ADRA1A: variants seen among roughly 807,000 people sequenced by gnomAD.
ADRA1A encodes the protein adrenoceptor alpha 1A.
ADRA1A carries 31 observed loss-of-function variants against 29.6 expected under a neutral mutation model. The ratio of observed to expected loss-of-function variants is 1.05; its 90% confidence interval spans 0.79 to 1.41. ADRA1A has a LOEUF of 1.41. Among genes scored for constraint, ADRA1A ranks in the 40% most tolerant of loss-of-function variants. The pLI is 0.00. For synonymous variants in ADRA1A, 311 were observed against 254.3 expected (o/e 1.22, Z -2.12); for missense variants, 619 against 601.1 (o/e 1.03, Z -0.31).
intron 2 of ADRA1A, among the ~76,000 whole-genome samples, chr8:26,783,790 CAAT>C (rs989040854): frequency 6.6e-6 from 1 of 152,154 alleles, no homozygotes; most frequent in African/African-American, 2.4e-5. Flanking sequence ...AAATGCCCAT[CAAT>C]GATAGACTGG....
rs1810349855 is a variant in ADRA1A at position 26,823,790 on chromosome 8, T to C, written c.883+40297A>G. ...AACCACTCTCTGATGTGTGTTATAA[T>C]TATAGTTGTCAAGGTGAAGAACCCG... On this transcript the variant is annotated intron_variant, in intron 2 of 2. Coordinates refer to ENST00000380573, the MANE Select transcript of ADRA1A (RefSeq NM_000680.4). This position sits in a 1 kb window ranked among gnomAD's most constrained non-coding sequence, Gnocchi z 4.2. 6.6e-6 allele frequency among the ~76,000 whole-genome samples: 1 copy of C among 152,200 alleles called. No homozygotes were observed. Among genetic ancestry groups the C allele is most frequent in the South Asian group, 2.1e-4 (1 of 4,830 alleles).
At chr8:26,772,052 C>T in intron 2 of ADRA1A, 1 of 162,432 alleles carries the variant, frequency 6.2e-6, no homozygotes. Flanking sequence ...GTCACTGTGG[C>T]CTAGGCCGAG....
At chr8:26,858,119 T>C (rs1431429735) in intron 2 of ADRA1A, among the ~76,000 whole-genome samples, 1 of 152,236 alleles carries the variant, frequency 6.6e-6, no homozygotes, top group Non-Finnish European at 1.5e-5. Flanking sequence ...ATCAATGTGC[T>C]GCCTCCTGTT....
intron 2 of ADRA1A, 49 bp from the exon 3 acceptor site, chr8:26,770,715 C>T: frequency 1.3e-6 from 2 of 1,535,336 alleles, no homozygotes; most frequent in South Asian, 2.5e-5. Flanking sequence ...AGCCAGCAAG[C>T]CAATTGGCTA....
Position 26,782,707 on chromosome 8 carries a change from T to A in ADRA1A, c.884-12041A>T, listed in dbSNP as rs934847800. Among the ~76,000 whole-genome samples, 4 of 152,196 alleles carry A rather than the reference T, an allele frequency of 2.6e-5. No individual in the cohort carries two copies. The South Asian group carries it at 8.3e-4, about 32-fold the overall frequency. On this transcript the variant is annotated intron_variant, in intron 2 of 2. Transcript: ENST00000380573. ...ACCTTTAGTTTCTTTCTTTTCCCTA[T>A]GACTTGCAAATCTCTATGCCTAGAC...
intron 2 of ADRA1A, among the ~76,000 whole-genome samples, chr8:26,828,845 C>A (rs922432095): frequency 6.6e-6 from 1 of 152,150 alleles, no homozygotes; most frequent in African/African-American, 2.4e-5. Context: ...GTGATAACCA[C>A]ATGCAGGAAT....
At chr8:26,802,872 C>T (rs929847762) in intron 2 of ADRA1A, among the ~76,000 whole-genome samples, 4 of 152,142 alleles carry the variant, frequency 2.6e-5, no homozygotes, top group Admixed American at 6.5e-5. Context: ...TACATATACA[C>T]AATGGAATAC....
intron 2 of ADRA1A, among the ~76,000 whole-genome samples, chr8:26,808,578 G>T (rs1343700090): frequency 6.6e-6 from 1 of 152,104 alleles, no homozygotes; most frequent in Non-Finnish European, 1.5e-5. Flanking sequence ...GCTTCTAGCT[G>T]CCTTCCTGAT....
At chr8:26,788,684 G>A (rs2130404572) in intron 2 of ADRA1A, among the ~76,000 whole-genome samples, 1 of 152,292 alleles carries the variant, frequency 6.6e-6, no homozygotes, top group Non-Finnish European at 1.5e-5. Flanking sequence ...GACTCGGGGA[G>A]TTTAATAATT....
intron 2 of ADRA1A, among the ~76,000 whole-genome samples, chr8:26,786,585 C>G (rs1321756667): frequency 2.0e-5 from 3 of 151,950 alleles, no homozygotes; most frequent in Non-Finnish European, 4.4e-5. Flanking sequence ...CTTCTCTGCA[C>G]CAGGCCCTTC....
At chr8:26,755,192 TC>T (rs1185110371), downstream of ADRA1A, among the ~76,000 whole-genome samples, 2 of 141,390 alleles carry the variant, frequency 1.4e-5, no homozygotes, top group East Asian at 2.0e-4. Context: ...GAAATAGACC[TC>T]CTTTTTTTTT....
chr8:26,841,293 C>T lies in ADRA1A; in HGVS notation c.883+22794G>A, dbSNP rs559883886. On this transcript the variant is annotated intron_variant, in intron 2 of 2. Transcript: ENST00000380573. The surrounding 1 kb of genome is among the most constrained non-coding windows in gnomAD (Gnocchi z 4.4). ...ACAGGTTGGCTTCAAGTGACCGTTC[C>T]AATCTCAGAGGACCACAGTCTCAAG... Among the ~76,000 whole-genome samples, 12 of 152,270 alleles carry T rather than the reference C, an allele frequency of 7.9e-5. No homozygotes were observed. The highest frequency in any genetic ancestry group is 2.6e-4 in the African/African-American group (11 of 41,542).
intron 2 of ADRA1A, among the ~76,000 whole-genome samples, chr8:26,840,766 T>C (rs1274495415): frequency 6.6e-6 from 1 of 152,224 alleles, no homozygotes; most frequent in East Asian, 1.9e-4. Context: ...AAGTTTTGTC[T>C]TGGATACTTT....
chr8:26,767,807 G>A (rs555179993), downstream of ADRA1A, among the ~76,000 whole-genome samples: 138 of 152,324 alleles, frequency 9.1e-4, 1 homozygote, highest in Middle Eastern at 3.4e-3. Context: ...AAGGGGGAGT[G>A]GGGCAAGTGA....
At position 26,770,025 on chromosome 8, in the gene ADRA1A, C is replaced by A. The variant is rs1165949704; in HGVS notation, c.*124G>T. On this transcript the variant is annotated 3_prime_UTR_variant, in exon 3 of 3. Coordinates refer to ENST00000380573, the MANE Select transcript of ADRA1A (RefSeq NM_000680.4). ...CTGATGAGTTGGGTCTACCACCCAC[C>A]CCATTCCCAGCAGGTCCCCTCTTTG... 1.8e-5 allele frequency: 27 copies of A among 1,477,052 alleles called. No homozygotes were observed. The highest frequency in any genetic ancestry group is 2.4e-5 in the Non-Finnish European group (27 of 1,117,902). The allele number at this position is 1,477,052 out of a possible 1,614,324, so 91.5% of individuals were successfully genotyped here. A position where few individuals can be genotyped will look rare whatever the true frequency, so the allele number is the denominator to read the frequency against.
downstream of ADRA1A, among the ~76,000 whole-genome samples, chr8:26,761,627 C>A (rs568188531): frequency 6.6e-6 from 1 of 152,324 alleles, no homozygotes; most frequent in South Asian, 2.1e-4. Flanking sequence ...CCAGCCAACG[C>A]CTTAATCTTG....
Position 26,848,452 on chromosome 8 carries a change from T to C in ADRA1A, c.883+15635A>G, listed in dbSNP as rs1812377051. On this transcript the variant is annotated intron_variant, in intron 2 of 2. Transcript: ENST00000380573. The surrounding 1 kb of genome is among the most constrained non-coding windows in gnomAD (Gnocchi z 4.3). Reference sequence around the variant, plus strand: ...GAGGAAGGTACCAGAGAGCTCTCTCTCTCTCTCTCTTCATCAGGTGAGAAT... The same window carrying C: ...GAGGAAGGTACCAGAGAGCTCTCTCCCTCTCTCTCTTCATCAGGTGAGAAT... Among the ~76,000 whole-genome samples, 1 of 152,124 alleles carries C rather than the reference T, an allele frequency of 6.6e-6. No individual in the cohort carries two copies. The highest frequency in any genetic ancestry group is 2.1e-4 in the South Asian group (1 of 4,820).
chr8:26,845,249 CAAAT>C (rs1812114972), intron 2 of ADRA1A, among the ~76,000 whole-genome samples: 1 of 152,132 alleles, frequency 6.6e-6, no homozygotes, highest in African/African-American at 2.4e-5. Context: ...AATAAAAAGA[CAAAT>C]AACCCAATTA....
chr8:26,759,894 A>T (rs927877487), intron 2 of ADRA1A, among the ~76,000 whole-genome samples: 29 of 152,256 alleles, frequency 1.9e-4, no homozygotes, highest in African/African-American at 6.7e-4. Context: ...TTTTGATGTG[A>T]TTTTCCCCCT....
Sources: gnomAD v4.1 joint callset for allele counts (sites outside exome capture counted in the v4.1 genomes callset) on GRCh38, gnomAD v4.1.1 for gene constraint, Gnocchi (gnomAD v3.1) non-coding constraint, MANE v1.5 for transcripts, NCBI Gene and HGNC (gene_info 2026-07-23, HGNC 2026-07-21) for gene names.